The following GK5 variants were observed in gnomAD, a reference collection of about 807,000 sequenced individuals.
GK5 encodes the protein glycerol kinase 5, also known as ATP:glycerol 3-phosphotransferase 5.
GK5 carries 39 observed loss-of-function variants against 77.3 expected under a neutral mutation model. That is an observed-to-expected ratio of 0.50 (90% CI 0.39 to 0.66). The LOEUF (loss-of-function observed/expected upper bound fraction) is 0.66. Among genes scored for constraint, GK5 ranks in the 30% least tolerant of loss-of-function variants. The pLI is 0.00. For missense variants in GK5, 487 were observed against 633.8 expected, an observed-to-expected ratio of 0.77 and a Z score of 2.49; for synonymous variants, 211 against 208.0, an observed-to-expected ratio of 1.01 and a Z score of -0.13.
At chr3:142,209,597 C>G (rs893009271) in intron 3 of GK5, among the ~76,000 whole-genome samples, 1 of 152,200 alleles carries the variant, frequency 6.6e-6, no homozygotes, top group Non-Finnish European at 1.5e-5. Flanking sequence ...CCTTCTAACA[C>G]TTTACATCAT....
chr3:142,222,460 G>C (rs1167316873), intron 1 of GK5, among the ~76,000 whole-genome samples: 1 of 152,100 alleles, frequency 6.6e-6, no homozygotes, highest in Non-Finnish European at 1.5e-5. Flanking sequence ...AGCTACTCAG[G>C]AGGCTGAGGC....
chr3:142,169,794 T>G (rs2063514247), intron 15 of GK5, among the ~76,000 whole-genome samples: 1 of 150,296 alleles, frequency 6.7e-6, no homozygotes, highest in Non-Finnish European at 1.5e-5. Context: ...TGTCTCAGCC[T>G]CCCAAGTAGT....
At chr3:142,186,547 CA>C in intron 6 of GK5, 34 bp from the exon 7 acceptor site, 1 of 1,029,730 alleles carries the variant, frequency 9.7e-7, no homozygotes, top group Non-Finnish European at 1.4e-6. Context: ...CATTTATTAT[CA>C]GATAGTATAA....
At chr3:142,194,538 AAAAAT>A (rs968530336) in intron 5 of GK5, among the ~76,000 whole-genome samples, 40 of 151,778 alleles carry the variant, frequency 2.6e-4, no homozygotes, top group African/African-American at 9.4e-4. Context: ...AAAAAAAAAA[AAAAAT>A]TAACTGGGCA....
chr3:142,184,741 C>T (rs2063745074), intron 9 of GK5: 1 of 361,150 alleles, frequency 2.8e-6, no homozygotes, highest in Non-Finnish European at 3.9e-6. Context: ...GAGGCTGAGG[C>T]AGAAGAGTCA....
At chr3:142,212,824 A>ATTTTCTTTCTTT (rs2064207104) in intron 3 of GK5, among the ~76,000 whole-genome samples, 1 of 129,942 alleles carries the variant, frequency 7.7e-6, no homozygotes, top group African/African-American at 3.0e-5. Context: ...ATAGACAAAT[A>ATTTTCTTTCTTT]TTTTCTTTTT....
intron 4 of GK5, among the ~76,000 whole-genome samples, chr3:142,203,039 T>C (rs2064050650): frequency 6.6e-6 from 1 of 152,186 alleles, no homozygotes; most frequent in Non-Finnish European, 1.5e-5. Flanking sequence ...GTTAAACACC[T>C]CAATGACCAA....
intron 2 of GK5, among the ~76,000 whole-genome samples, chr3:142,214,607 C>T (rs1358623498): frequency 6.6e-6 from 1 of 152,170 alleles, no homozygotes; most frequent in East Asian, 1.9e-4. Flanking sequence ...CTGGCTTGTA[C>T]TTTTGAAAAT....
At chr3:142,198,350 C>T (rs374016394) in intron 5 of GK5, among the ~76,000 whole-genome samples, 3 of 151,762 alleles carry the variant, frequency 2.0e-5, no homozygotes, top group African/African-American at 4.8e-5. Flanking sequence ...TGGCGGCTCA[C>T]GCTTGTAATC....
chr3:142,187,610 A>C (rs2063789841), intron 6 of GK5, 94 bp downstream of exon 6: 1 of 942,724 alleles, frequency 1.1e-6, no homozygotes, highest in Non-Finnish European at 1.6e-6. Flanking sequence ...AGCTCAAAAA[A>C]AAAAAAAAAA....
intron 5 of GK5, among the ~76,000 whole-genome samples, chr3:142,188,163 G>A (rs11922366): frequency 0.13 from 19,663 of 152,094 alleles, 1,445 homozygotes; most frequent in Middle Eastern, 0.21. Flanking sequence ...TTGGGAGGCC[G>A]AAGCAGGTGG....
At chr3:142,195,612 A>G (rs527677991) in intron 5 of GK5, among the ~76,000 whole-genome samples, 9 of 152,306 alleles carry the variant, frequency 5.9e-5, no homozygotes, top group African/African-American at 2.2e-4. Flanking sequence ...TTAGACTCCC[A>G]AAGTGCTGGG....
chr3:142,205,534 T>G (rs1003197775), intron 3 of GK5, among the ~76,000 whole-genome samples: 3 of 152,224 alleles, frequency 2.0e-5, no homozygotes, highest in Admixed American at 2.0e-4. Context: ...GCTCCAATAT[T>G]AGTCAGCACA....
At chr3:142,208,821 C>A (rs950343864) in intron 3 of GK5, among the ~76,000 whole-genome samples, 3 of 152,188 alleles carry the variant, frequency 2.0e-5, no homozygotes, top group Non-Finnish European at 2.9e-5. Flanking sequence ...ATCAATTACT[C>A]AGTTGCTCAC....
At chr3:142,196,220 T>C (rs1396429670) in intron 5 of GK5, among the ~76,000 whole-genome samples, 2 of 152,122 alleles carry the variant, frequency 1.3e-5, no homozygotes, top group Admixed American at 6.5e-5. Flanking sequence ...GGGTTTTCTC[T>C]CGTCTTTGTC....
At chr3:142,218,508 T>C (rs1577154900) in intron 1 of GK5, among the ~76,000 whole-genome samples, 1 of 133,440 alleles carries the variant, frequency 7.5e-6, no homozygotes, top group African/African-American at 2.9e-5. Context: ...ACCACTGCAC[T>C]CCAGCCTGGG....
At chr3:142,190,233 A>C (rs2063829753) in intron 5 of GK5, among the ~76,000 whole-genome samples, 1 of 152,224 alleles carries the variant, frequency 6.6e-6, no homozygotes. Flanking sequence ...AAAAGGATGG[A>C]AAATATGTAA....
intron 1 of GK5, 43 bp from the exon 2 acceptor site, chr3:142,215,735 A>C: frequency 3.2e-6 from 3 of 926,124 alleles, no homozygotes; most frequent in Non-Finnish European, 5.3e-6. Flanking sequence ...CATTAGATCA[A>C]GTCAATAGTA....
At chr3:142,174,097 C>T (rs1279349978) in intron 12 of GK5, among the ~76,000 whole-genome samples, 1 of 152,056 alleles carries the variant, frequency 6.6e-6, no homozygotes, top group African/African-American at 2.4e-5. Context: ...TTTGTTGAAA[C>T]CCCACCTTCC....
Sources: allele counts gnomAD v4.1 joint callset (sites outside exome capture counted in the v4.1 genomes callset), GRCh38; gene constraint gnomAD v4.1.1; transcripts MANE v1.5; gene names NCBI Gene and HGNC (gene_info 2026-07-23, HGNC 2026-07-21).